PPP1R9A: variants seen among roughly 807,000 people sequenced by gnomAD.
The protein encoded by PPP1R9A is protein phosphatase 1 regulatory subunit 9A.
PPP1R9A carries 59 observed loss-of-function variants against 141.9 expected under a neutral mutation model. The observed-to-expected ratio is 0.42, with a 90% CI of 0.34 to 0.52. The LOEUF is 0.52. Ranked by LOEUF, PPP1R9A falls within the 20% of genes least tolerant of loss-of-function variation. The pLI, the probability that PPP1R9A is intolerant of heterozygous loss-of-function variation, is 0.10. For missense variants in PPP1R9A, 1,444 were observed against 1,611.9 expected, an observed-to-expected ratio of 0.90 and a Z score of 1.78; for synonymous variants, 500 against 569.7, an observed-to-expected ratio of 0.88 and a Z score of 1.74.
chr7:95,208,148 T>C (rs1250760501), intron 7 of PPP1R9A, among the ~76,000 whole-genome samples: 1 of 152,272 alleles, frequency 6.6e-6, no homozygotes, highest in South Asian at 2.1e-4. Context: ...TTATTAAACT[T>C]TAATAAATTT....
chr7:95,026,353 G>A (rs1806836364), intron 2 of PPP1R9A, among the ~76,000 whole-genome samples: 1 of 150,902 alleles, frequency 6.6e-6, no homozygotes, highest in South Asian at 2.1e-4. Flanking sequence ...AGGTCTGCTG[G>A]AGTTTGCTGG....
chr7:95,085,340 T>C (rs1584610499), intron 2 of PPP1R9A, among the ~76,000 whole-genome samples: 3 of 151,854 alleles, frequency 2.0e-5, no homozygotes, highest in Non-Finnish European at 1.5e-5. Context: ...GACTTAGCGA[T>C]TCTCCCATCT....
intron 2 of PPP1R9A, among the ~76,000 whole-genome samples, chr7:95,070,610 T>TATATATATATATATATATATATATATAC (rs1321187469): frequency 1.1e-4 from 10 of 94,166 alleles, no homozygotes; most frequent in Non-Finnish European, 1.7e-4. Context: ...TATATATATA[T>TATATATATATATATATATATATATATAC]ACACACACAC....
At chr7:95,242,870 T>G (rs183041910) in intron 8 of PPP1R9A, among the ~76,000 whole-genome samples, 7 of 152,254 alleles carry the variant, frequency 4.6e-5, no homozygotes, top group Admixed American at 4.6e-4. Context: ...AACAGGCATC[T>G]CAGGCTCTAT....
intron 2 of PPP1R9A, among the ~76,000 whole-genome samples, chr7:94,987,220 C>T (rs1026217397): frequency 1.3e-5 from 2 of 152,166 alleles, no homozygotes; most frequent in East Asian, 1.9e-4. Context: ...TTGGCTGTGG[C>T]TCTGCTGTTT....
At chr7:95,096,983 C>G (rs186975790) in intron 2 of PPP1R9A, among the ~76,000 whole-genome samples, 3 of 152,164 alleles carry the variant, frequency 2.0e-5, no homozygotes, top group Non-Finnish European at 4.4e-5. Context: ...TGGCCCACAT[C>G]CCTTTATTAC....
At chr7:95,224,060 G>C (rs1485453376) in intron 7 of PPP1R9A, among the ~76,000 whole-genome samples, 1 of 151,838 alleles carries the variant, frequency 6.6e-6, no homozygotes, top group African/African-American at 2.4e-5. Context: ...GGATCTCATT[G>C]TGCTAATAAA....
intron 2 of PPP1R9A, among the ~76,000 whole-genome samples, chr7:95,085,405 G>GA (rs1051591861): frequency 2.7e-4 from 36 of 134,472 alleles, no homozygotes; most frequent in African/African-American, 7.8e-4. Flanking sequence ...CAGCAAAAAA[G>GA]AAAAAAAAAT....
In PPP1R9A at chr7:95,250,141, C is replaced by T; in HGVS notation, c.2282C>T (p.Ala761Val). ...MLKLESYWIEAQTLCHTVNEH... is the reference protein window; with the variant it reads ...MLKLESYWIEVQTLCHTVNEH... ...AAGTTGGAAAGCTACTGGATTGAGG[C>T]CCAAACATTATGCCACACAGTGAAT... The change falls in exon 10 of 20, where the codon GCC (alanine) becomes GTC (valine). Residue 761 changes from alanine (A) to valine (V), a missense_variant. Ala to Val is a moderately conservative substitution (Grantham distance 64). Around this residue, in one of 5 missense-constraint regions of PPP1R9A, gnomAD observed 488 missense variants for 542.0 expected, o/e 0.90. Coordinates refer to ENST00000433360, the MANE Select transcript of PPP1R9A (RefSeq NM_001166160.2). 1 of 1,613,904 alleles carries T rather than the reference C, an allele frequency of 6.2e-7. No individual in the cohort carries two copies. The highest frequency in any genetic ancestry group is 1.3e-5 in the African/African-American group (1 of 75,026).
chr7:95,120,976 T>A, intron 4 of PPP1R9A, 144 bp downstream of exon 4: 1 of 1,107,196 alleles, frequency 9.0e-7, no homozygotes, highest in Non-Finnish European at 1.3e-6. Context: ...TTTAAACACT[T>A]GAATTATTTT....
chr7:95,244,736 T>C (rs1174468708), intron 8 of PPP1R9A, among the ~76,000 whole-genome samples: 1 of 152,206 alleles, frequency 6.6e-6, no homozygotes, highest in Non-Finnish European at 1.5e-5. Context: ...AGTTAGCACA[T>C]TTAACTGAGA....
At chr7:95,083,975 A>G (rs941511065) in intron 2 of PPP1R9A, among the ~76,000 whole-genome samples, 7 of 152,050 alleles carry the variant, frequency 4.6e-5, no homozygotes, top group Non-Finnish European at 8.8e-5. Context: ...GACAAAGGGA[A>G]CATTGCACAG....
intron 7 of PPP1R9A, among the ~76,000 whole-genome samples, chr7:95,222,965 G>A (rs1335284008): frequency 1.3e-5 from 2 of 151,876 alleles, no homozygotes; most frequent in Non-Finnish European, 2.9e-5. Context: ...TTTATTTCCA[G>A]GTATTTATGA....
intron 4 of PPP1R9A, among the ~76,000 whole-genome samples, chr7:95,134,551 C>G (rs373830226): frequency 1.3e-5 from 2 of 152,266 alleles, no homozygotes; most frequent in African/African-American, 4.8e-5. Context: ...ATTCTCCTGT[C>G]TCAGCCTCCT....
At chr7:94,930,447 C>T (rs1794014068) in intron 2 of PPP1R9A, among the ~76,000 whole-genome samples, 1 of 152,174 alleles carries the variant, frequency 6.6e-6, no homozygotes. Flanking sequence ...AAGCGATTCT[C>T]CTGCCTCAGC....
At chr7:95,073,502 A>G (rs1814308404) in intron 2 of PPP1R9A, among the ~76,000 whole-genome samples, 1 of 151,902 alleles carries the variant, frequency 6.6e-6, no homozygotes, top group African/African-American at 2.4e-5. Context: ...ACACATTTGC[A>G]GCTACCTTTC....
At chr7:95,276,703 A>G (rs972303390) in intron 16 of PPP1R9A, among the ~76,000 whole-genome samples, 3 of 152,216 alleles carry the variant, frequency 2.0e-5, no homozygotes, top group Non-Finnish European at 4.4e-5. Flanking sequence ...TAGTTTTATA[A>G]TTATTAGTAA....
intron 2 of PPP1R9A, among the ~76,000 whole-genome samples, chr7:94,916,384 A>G (rs1792081670): frequency 6.6e-6 from 1 of 152,222 alleles, no homozygotes; most frequent in African/African-American, 2.4e-5. Context: ...CACTCTTTGG[A>G]ATATGAATTT....
intron 2 of PPP1R9A, among the ~76,000 whole-genome samples, chr7:94,954,272 G>T (rs1028951906): frequency 6.6e-6 from 1 of 151,454 alleles, no homozygotes; most frequent in Admixed American, 6.6e-5. Context: ...GATTTCTATT[G>T]TTTACTCCTT....
Sources: gnomAD v4.1 joint callset for allele counts (sites outside exome capture counted in the v4.1 genomes callset) on GRCh38, gnomAD v4.1.1 for gene constraint, gnomAD v4.1.1 regional missense constraint, MANE v1.5 for transcripts, NCBI Gene and HGNC (gene_info 2026-07-23, HGNC 2026-07-21) for gene names.